The following PEX5L variants were observed in gnomAD, a reference collection of about 807,000 sequenced individuals.
PEX5L encodes the protein peroxisomal biogenesis factor 5 like, also known as PEX5-related protein.
Under a neutral mutation model 84.0 loss-of-function variants are expected in PEX5L, and 30 were observed. The observed-to-expected ratio is 0.36, with a 90% CI of 0.27 to 0.48. The LOEUF (loss-of-function observed/expected upper bound fraction) is 0.48, where lower values mean the gene tolerates loss of function less well. Ranked by LOEUF, PEX5L falls within the 20% of genes least tolerant of loss-of-function variation. PEX5L has a pLI of 0.99. For missense variants in PEX5L, 533 were observed against 754.6 expected (o/e 0.71, Z 3.44); for synonymous variants, 270 against 283.1 (o/e 0.95, Z 0.46).
intron 8 of PEX5L, among the ~76,000 whole-genome samples, chr3:179,857,379 T>A (rs1428861506): frequency 7.2e-5 from 11 of 152,176 alleles, no homozygotes; most frequent in African/African-American, 1.9e-4. Flanking sequence ...TTTTGATAAT[T>A]AGTACTGTCC....
chr3:180,013,421 TACAAA>T (rs1378028886), intron 1 of PEX5L, among the ~76,000 whole-genome samples: 3 of 152,192 alleles, frequency 2.0e-5, no homozygotes, highest in African/African-American at 7.2e-5. Context: ...TTACTTCTCT[TACAAA>T]ACAAAACAAA....
Position 179,946,547 on chromosome 3 carries a change from T to G in PEX5L, c.93+25047A>C, listed in dbSNP as rs1444079978. Reference sequence around the variant, plus strand: ...GGGAATAATGACAACAAGAAGAAAGTGAGAAGATAAAACAACCAATTCACA... The same window carrying G: ...GGGAATAATGACAACAAGAAGAAAGGGAGAAGATAAAACAACCAATTCACA... On this transcript the variant is annotated intron_variant, in intron 2 of 14. Transcript: ENST00000467460. Among the ~76,000 whole-genome samples the G allele has an allele frequency of 4.6e-5, 7 of 152,062 alleles. No individual in the cohort carries two copies. In the South Asian group the frequency reaches 1.0e-3, roughly 23 times the overall value.
chr3:179,895,231 T>A (rs1758867000), intron 3 of PEX5L, among the ~76,000 whole-genome samples: 1 of 152,112 alleles, frequency 6.6e-6, no homozygotes, highest in Non-Finnish European at 1.5e-5. Context: ...ATCGTTAATG[T>A]GATAGTTTAC....
At chr3:179,997,392 G>A (rs144879939) in intron 1 of PEX5L, among the ~76,000 whole-genome samples, 1 of 152,278 alleles carries the variant, frequency 6.6e-6, no homozygotes, top group East Asian at 1.9e-4. Context: ...TTTCCCTAGT[G>A]CCAGAATGCA....
intron 2 of PEX5L, among the ~76,000 whole-genome samples, chr3:179,969,054 C>T (rs897715480): frequency 3.9e-5 from 6 of 151,958 alleles, no homozygotes; most frequent in Middle Eastern, 3.2e-3. Context: ...CGTGGAAGTA[C>T]AAGATTTGCA....
intron 1 of PEX5L, among the ~76,000 whole-genome samples, chr3:179,986,175 T>C (rs1219248721): frequency 7.8e-6 from 1 of 128,508 alleles, no homozygotes; most frequent in Non-Finnish European, 1.6e-5. Flanking sequence ...AATATATATA[T>C]ATATATAACT....
intron 2 of PEX5L, among the ~76,000 whole-genome samples, chr3:179,933,841 T>C (rs1157746882): frequency 6.6e-6 from 1 of 152,216 alleles, no homozygotes; most frequent in Non-Finnish European, 1.5e-5. Flanking sequence ...CCAAATTTGC[T>C]TGTAGGTGGT....
intron 2 of PEX5L, among the ~76,000 whole-genome samples, chr3:179,906,440 A>G (rs959658116): frequency 2.6e-5 from 4 of 152,198 alleles, no homozygotes; most frequent in African/African-American, 7.2e-5. Flanking sequence ...AACTTTTCCT[A>G]TCTAGGGTGG....
chr3:179,959,369 T>C (rs1781451777), intron 2 of PEX5L, among the ~76,000 whole-genome samples: 1 of 152,182 alleles, frequency 6.6e-6, no homozygotes, highest in South Asian at 2.1e-4. Context: ...GAGCCCTTGG[T>C]TCCAACTACT....
At chr3:179,802,556 A>AAAAGC (rs1160053167) in intron 14 of PEX5L, among the ~76,000 whole-genome samples, 6 of 148,424 alleles carry the variant, frequency 4.0e-5, no homozygotes, top group African/African-American at 1.5e-4. Flanking sequence ...AAAAAAAAAG[A>AAAAGC]AAAGAAAAGA....
chr3:179,884,342 A>AG (rs1755096055), intron 4 of PEX5L, among the ~76,000 whole-genome samples: 1 of 152,178 alleles, frequency 6.6e-6, no homozygotes, highest in Non-Finnish European at 1.5e-5. Flanking sequence ...AAGTGCAGTT[A>AG]GGGGGGTCAG....
intron 2 of PEX5L, among the ~76,000 whole-genome samples, chr3:179,927,329 G>A (rs936581671): frequency 6.6e-6 from 1 of 152,186 alleles, no homozygotes; most frequent in African/African-American, 2.4e-5. Flanking sequence ...CTGAAAGATA[G>A]TTACGATTAA....
chr3:180,008,719 G>A (rs1037904828), intron 1 of PEX5L, among the ~76,000 whole-genome samples: 1 of 152,142 alleles, frequency 6.6e-6, no homozygotes, highest in African/African-American at 2.4e-5. Context: ...AGAAACCCCT[G>A]ATAAACCCAT....
rs1014769316 is a variant in PEX5L, at chr3:179,807,723, G to T, written c.1627C>A (p.Arg543=). ...CTTATTCCTAGGTTGTATCTGGACC[G>T]GATGAATCCTGGCTGAATCTCCAGT... ...RALEIQPGFI[R]SRYNLGISCI... Residue 543 remains arginine, a synonymous_variant, in exon 14 of 15, where the codon CGG becomes AGG. Coordinates refer to ENST00000467460, the MANE Select transcript of PEX5L (RefSeq NM_016559.3). 2 of 1,614,144 alleles carry T rather than the reference G, an allele frequency of 1.2e-6. No individual in the cohort carries two copies. Among genetic ancestry groups the T allele is most frequent in the Non-Finnish European group, 8.5e-7 (1 of 1,180,006 alleles).
intron 2 of PEX5L, among the ~76,000 whole-genome samples, chr3:179,952,930 G>A (rs1176874550): frequency 6.6e-6 from 1 of 151,950 alleles, no homozygotes; most frequent in African/African-American, 2.4e-5. Flanking sequence ...CAGAACAGAG[G>A]CCTCAGAAAT....
At chr3:179,901,487 T>C (rs925451726) in intron 2 of PEX5L, among the ~76,000 whole-genome samples, 1 of 152,254 alleles carries the variant, frequency 6.6e-6, no homozygotes, top group African/African-American at 2.4e-5. Context: ...TATGCTTCTA[T>C]GCCACTCAGC....
At chr3:179,827,251 TA>T (rs1201350913) in intron 8 of PEX5L, among the ~76,000 whole-genome samples, 4 of 152,186 alleles carry the variant, frequency 2.6e-5, no homozygotes, top group African/African-American at 9.6e-5. Context: ...GGCTAGGCCC[TA>T]AAAGGTGATA....
At chr3:180,021,180 A>G (rs990813287) in intron 1 of PEX5L, among the ~76,000 whole-genome samples, 7 of 152,176 alleles carry the variant, frequency 4.6e-5, no homozygotes, top group African/African-American at 1.4e-4. Flanking sequence ...GTAGGTGAGA[A>G]TGTGGGTGAC....
intron 7 of PEX5L, among the ~76,000 whole-genome samples, chr3:179,865,605 TA>T (rs1382145686): frequency 1.5e-4 from 23 of 152,210 alleles, no homozygotes; most frequent in Middle Eastern, 3.4e-3. Flanking sequence ...TATTGCTTAG[TA>T]CTTACATAAA....
Sources: allele counts gnomAD v4.1 joint callset (sites outside exome capture counted in the v4.1 genomes callset), GRCh38; gene constraint gnomAD v4.1.1; transcripts MANE v1.5; gene names NCBI Gene and HGNC (gene_info 2026-07-23, HGNC 2026-07-21).